Variants in PDE4D observed in about 807,000 individuals in gnomAD.
PDE4D encodes the protein phosphodiesterase 4D.
A neutral mutation model predicts 87.4 loss-of-function variants in PDE4D; 24 were observed. The observed-to-expected ratio is 0.27, with a 90% confidence interval of 0.20 to 0.39. PDE4D has a LOEUF of 0.39. Ranked by LOEUF, PDE4D falls within the 10% of genes least tolerant of loss-of-function variation. PDE4D has a pLI of 1.00. For synonymous variants in PDE4D, 384 were observed against 383.2 expected, an observed-to-expected ratio of 1.00 and a Z score of -0.02; for missense variants, 714 against 1,041.0, an observed-to-expected ratio of 0.69 and a Z score of 4.32.
intron 1 of PDE4D, among the ~76,000 whole-genome samples, chr5:60,476,210 T>A (rs1250918753): frequency 6.6e-6 from 1 of 152,198 alleles, no homozygotes; most frequent in Non-Finnish European, 1.5e-5. Flanking sequence ...CTATTAAAAT[T>A]TAAAAGTTCA....
At chr5:59,929,107 C>A (rs929126714) in intron 3 of PDE4D, among the ~76,000 whole-genome samples, 19 of 151,780 alleles carry the variant, frequency 1.3e-4, no homozygotes, top group Admixed American at 5.3e-4. Flanking sequence ...GTGTCTCTCT[C>A]TATATATAAT....
chr5:60,022,919 C>T (rs1043031589), intron 2 of PDE4D, among the ~76,000 whole-genome samples: 4 of 152,090 alleles, frequency 2.6e-5, no homozygotes, highest in Non-Finnish European at 4.4e-5. Flanking sequence ...TCCCTCCATC[C>T]GCATCTCTTT....
chr5:60,428,205 G>A (rs1206462962), intron 1 of PDE4D, among the ~76,000 whole-genome samples: 1 of 152,146 alleles, frequency 6.6e-6, no homozygotes, highest in Non-Finnish European at 1.5e-5. Context: ...AGATTCTAAT[G>A]CATAGGGGCT....
rs1240062824 is a variant in PDE4D, at chr5:59,399,427, G to A, written c.456-183459C>T. ...GAACAGAGCCCTCAGAAATAACGCC[G>A]CATATCTACAACTATCTGATCTTTG... On this transcript the variant is annotated intron_variant, in intron 1 of 14. Coordinates refer to ENST00000340635, the MANE Select transcript of PDE4D (RefSeq NM_001104631.2). Among the ~76,000 whole-genome samples the A allele has an allele frequency of 1.7e-4, 24 of 138,190 alleles. 1 individual carries two copies. The highest frequency in any genetic ancestry group is 2.3e-4 in the Non-Finnish European group (14 of 60,612). 90.7% of individuals were successfully genotyped at this position (138,190 alleles called of 152,430 possible).
chr5:60,323,339 C>T (rs1562324074), intron 1 of PDE4D, among the ~76,000 whole-genome samples: 1 of 152,196 alleles, frequency 6.6e-6, no homozygotes, highest in South Asian at 2.1e-4. Context: ...CTTCCAATGT[C>T]CCTATCCCAG....
chr5:60,091,084 T>C (rs1195953833), intron 2 of PDE4D, among the ~76,000 whole-genome samples: 1 of 152,144 alleles, frequency 6.6e-6, no homozygotes, highest in Non-Finnish European at 1.5e-5. Flanking sequence ...GGAAGAACAC[T>C]GGTCTGGGCA....
Position 58,999,835 on chromosome 5 carries a change from C to T in PDE4D, c.922-6370G>A, listed in dbSNP as rs1343015805. On this transcript the variant is annotated intron_variant, in intron 6 of 14. Coordinates refer to ENST00000340635, the MANE Select transcript of PDE4D (RefSeq NM_001104631.2). ...TATCTAAAGATCTAAGGGTCTGCAT[C>T]TTTCTCTCCCGAGCTCCAGGGCTTA... The T allele has an allele frequency of 7.1e-6, 7 of 990,328 alleles. 1 individual carries two copies. In the South Asian group the frequency reaches 1.9e-4, roughly 26 times the overall value. 61.3% of individuals were successfully genotyped at this position (990,328 alleles called of 1,614,324 possible). A position where few individuals can be genotyped will look rare whatever the true frequency, so the allele number is the denominator to read the frequency against.
intron 1 of PDE4D, among the ~76,000 whole-genome samples, chr5:60,270,471 A>G (rs192152050): frequency 3.9e-4 from 60 of 152,320 alleles, no homozygotes; most frequent in Middle Eastern, 6.8e-3. Flanking sequence ...TATACCTAGA[A>G]TGGTAATTTT....
chr5:59,359,878 A>C (rs890921460), intron 1 of PDE4D, among the ~76,000 whole-genome samples: 1 of 152,180 alleles, frequency 6.6e-6, no homozygotes, highest in Non-Finnish European at 1.5e-5. Context: ...TATATGTCCT[A>C]GGGAAAACCA....
intron 1 of PDE4D, among the ~76,000 whole-genome samples, chr5:59,247,169 T>C (rs1298419920): frequency 6.6e-6 from 1 of 151,442 alleles, no homozygotes; most frequent in Non-Finnish European, 1.5e-5. Flanking sequence ...CTAAGTCAGT[T>C]AGTAACTGTA....
chr5:59,258,823 A>T (rs1007956192), intron 1 of PDE4D, among the ~76,000 whole-genome samples: 2 of 150,772 alleles, frequency 1.3e-5, no homozygotes, highest in Non-Finnish European at 3.0e-5. Flanking sequence ...TTTTAAGAAG[A>T]CTATGTCAAA....
intron 2 of PDE4D, among the ~76,000 whole-genome samples, chr5:60,097,586 G>A (rs555096224): frequency 6.6e-6 from 1 of 151,988 alleles, no homozygotes; most frequent in Non-Finnish European, 1.5e-5. Context: ...TATCTGAGGT[G>A]ACATAGTAAA....
chr5:59,233,171 T>C (rs1755624152), intron 1 of PDE4D, among the ~76,000 whole-genome samples: 2 of 152,034 alleles, frequency 1.3e-5, no homozygotes, highest in South Asian at 4.2e-4. Context: ...AAGAAAGAAA[T>C]TGAAATTATT....
intron 5 of PDE4D, among the ~76,000 whole-genome samples, chr5:59,053,344 A>G (rs1479436622): frequency 6.8e-6 from 1 of 147,628 alleles, no homozygotes; most frequent in African/African-American, 2.5e-5. Flanking sequence ...AATTGTCTGA[A>G]AACATAATGG....
intron 1 of PDE4D, among the ~76,000 whole-genome samples, chr5:59,316,938 G>T (rs1157285163): frequency 6.6e-6 from 1 of 152,174 alleles, no homozygotes; most frequent in Non-Finnish European, 1.5e-5. Flanking sequence ...AGGTTCAAGT[G>T]CTGCCTTCCT....
intron 1 of PDE4D, among the ~76,000 whole-genome samples, chr5:59,418,537 G>A (rs931031869): frequency 2.6e-5 from 4 of 152,130 alleles, no homozygotes; most frequent in Non-Finnish European, 5.9e-5. Context: ...TCTCAGAGCT[G>A]CCAAAATATT....
intron 1 of PDE4D, chr5:60,430,058 C>T (rs1236002063): frequency 7.6e-6 from 4 of 523,616 alleles, no homozygotes; most frequent in South Asian, 4.2e-5. Context: ...ATTCCTTTGG[C>T]CCAGACAGCT....
intron 6 of PDE4D, among the ~76,000 whole-genome samples, chr5:59,005,712 A>T (rs1318917431): frequency 2.0e-5 from 3 of 152,240 alleles, no homozygotes; most frequent in African/African-American, 7.2e-5. Flanking sequence ...TCTTGGCAAC[A>T]TTCTGATAAG....
At chr5:59,983,600 A>G (rs991901841) in intron 3 of PDE4D, among the ~76,000 whole-genome samples, 4 of 152,184 alleles carry the variant, frequency 2.6e-5, no homozygotes, top group Non-Finnish European at 4.4e-5. Flanking sequence ...AAACACATCA[A>G]AAGGTAAGCA....
Sources: allele counts gnomAD v4.1 joint callset (sites outside exome capture counted in the v4.1 genomes callset), GRCh38; gene constraint gnomAD v4.1.1; transcripts MANE v1.5; gene names NCBI Gene and HGNC (gene_info 2026-07-23, HGNC 2026-07-21).